JMY: variants seen among roughly 807,000 people sequenced by gnomAD.
JMY encodes the protein junction-mediating and -regulatory protein.
Under a neutral mutation model 103.3 loss-of-function variants are expected in JMY, and 46 were observed. The ratio of observed to expected loss-of-function variants is 0.45; its 90% CI spans 0.35 to 0.57. JMY has a LOEUF of 0.57. Among genes scored for constraint, JMY ranks in the 20% least tolerant of loss-of-function variants. The probability of loss-of-function intolerance (pLI) is 0.00; values close to 1 mark genes in which losing one functional copy is unlikely to be tolerated. For synonymous variants in JMY, 526 were observed against 489.3 expected, an observed-to-expected ratio of 1.07 and a Z score of -0.99; for missense variants, 1,238 against 1,255.2, an observed-to-expected ratio of 0.99 and a Z score of 0.21.
In JMY at chr5:79,291,113, TA is replaced by T. The variant is rs774331803; in HGVS notation, c.1358-11del. 71 of 1,527,024 alleles carry T rather than the reference TA, an allele frequency of 4.6e-5. 1 individual carries two copies. The highest frequency in any genetic ancestry group is 3.5e-4 in the African/African-American group (25 of 71,328). The allele number at this position is 1,527,024 out of a possible 1,614,324, so 94.6% of individuals were successfully genotyped here. On this transcript the variant is annotated splice_polypyrimidine_tract_variant and intron_variant, in intron 3 of 10. Coordinates refer to ENST00000396137, the MANE Select transcript of JMY (RefSeq NM_152405.5). ...GTTGTTATTTGTCTTAATTTCTCTT[TA>T]AAAAATTATTAATAGCTGTGTATGA...
At chr5:79,274,071 T>C (rs756391522) in intron 1 of JMY, among the ~76,000 whole-genome samples, 10 of 152,100 alleles carry the variant, frequency 6.6e-5, no homozygotes, top group Non-Finnish European at 1.3e-4. Context: ...CCTCGTGATC[T>C]GCCCGCCTTG....
chr5:79,314,699 C>T lies in JMY; in HGVS notation c.2507C>T (p.Thr836Ile). ...LPVAKDSGPE[T>I]LEKDLPRKEG... ...GTTGCTAAGGACAGTGGCCCAGAGA[C>T]ACTGGAGAAAGATCTGCCTAGAAAG... The change falls in exon 9 of 11, where the codon ACA becomes ATA. Residue 836 changes from threonine to isoleucine, a missense_variant. Physicochemically the swap from Thr to Ile is moderately conservative, Grantham distance 89. Coordinates refer to ENST00000396137, the MANE Select transcript of JMY (RefSeq NM_152405.5). The T allele has an allele frequency of 6.3e-7, 1 of 1,588,948 alleles. No homozygotes were observed. Among genetic ancestry groups the T allele is most frequent in the Non-Finnish European group, 8.5e-7 (1 of 1,171,380 alleles).
At chr5:79,267,764 A>G (rs907749898) in intron 1 of JMY, among the ~76,000 whole-genome samples, 2 of 152,150 alleles carry the variant, frequency 1.3e-5, no homozygotes, top group Non-Finnish European at 2.9e-5. Flanking sequence ...ATGTACTACA[A>G]TTTGCTTATC....
In JMY at chr5:79,237,316, T is replaced by A. The variant is rs954959941; in HGVS notation, c.666T>A (p.Ser222=). 1.1e-5 allele frequency: 18 copies of A among 1,573,592 alleles called. No individual in the cohort carries two copies. The highest frequency in any genetic ancestry group is 1.6e-5 in the Non-Finnish European group (18 of 1,160,204). ...EQPPPATELE[S]PAEECSWAGL... ...CGCCGCCCGCCACCGAGCTGGAGTC[T>A]CCGGCCGAAGAGTGCAGCTGGGCCG... Residue 222 remains serine, a synonymous_variant, in exon 1 of 11, where the codon TCT becomes TCA. Coordinates refer to ENST00000396137, the MANE Select transcript of JMY (RefSeq NM_152405.5).
Position 79,325,851 on chromosome 5 carries a change from A to C in JMY, c.*4249A>C, listed in dbSNP as rs1747623359. On this transcript the variant is annotated 3_prime_UTR_variant, in exon 11 of 11. Transcript: ENST00000396137. ...TATGTTATGTAAGCAAAGGGTTTGG[A>C]AAGGCGGGAGGGAGTCTAGATTCGG... 6.6e-6 allele frequency: 1 copy of C among 152,116 alleles called. No individual in the cohort carries two copies. The highest frequency in any genetic ancestry group is 2.4e-5 in the African/African-American group (1 of 41,426). 9.4% of individuals were successfully genotyped at this position (152,116 alleles called of 1,614,324 possible).
intron 2 of JMY, among the ~76,000 whole-genome samples, 162 bp downstream of exon 2, chr5:79,278,245 CT>C (rs757418559): frequency 2.6e-5 from 4 of 151,702 alleles, no homozygotes; most frequent in Non-Finnish European, 5.9e-5. Flanking sequence ...GGGTTGTAGC[CT>C]GAGTATCCAT....
chr5:79,315,214 G>A (rs1747179905), intron 9 of JMY, among the ~76,000 whole-genome samples: 1 of 152,152 alleles, frequency 6.6e-6, no homozygotes, highest in Non-Finnish European at 1.5e-5. Flanking sequence ...GTCACCACAG[G>A]GAAGACATTG....
In JMY at chr5:79,300,286, C is replaced by T. The variant is rs762962337; in HGVS notation, c.1661C>T (p.Ala554Val). Residue 554 changes from alanine to valine, a missense_variant, in exon 5 of 11, where the codon GCG becomes GTG. Ala to Val is a moderately conservative substitution (Grantham distance 64). Coordinates refer to ENST00000396137, the MANE Select transcript of JMY (RefSeq NM_152405.5). ...ILKCEELLLT[A>V]QLESIKRLIS... ...AAGTGTGAAGAGTTACTATTGACAGCGCAACTAGAAAGCATCAAAAGACTT... is the reference window on the plus strand; with the variant it reads ...AAGTGTGAAGAGTTACTATTGACAGTGCAACTAGAAAGCATCAAAAGACTT... The T allele has an allele frequency of 1.2e-5, 19 of 1,582,588 alleles. No homozygotes were observed. The highest frequency in any genetic ancestry group is 4.1e-5 in the African/African-American group (3 of 72,996).
intron 4 of JMY, among the ~76,000 whole-genome samples, chr5:79,294,948 T>C (rs1166602523): frequency 6.6e-6 from 1 of 152,202 alleles, no homozygotes; most frequent in Non-Finnish European, 1.5e-5. Flanking sequence ...CCTTGATAAT[T>C]TCTCTGAACA....
At chr5:79,253,108 T>C (rs1304777217) in intron 1 of JMY, among the ~76,000 whole-genome samples, 2 of 152,188 alleles carry the variant, frequency 1.3e-5, no homozygotes, top group Non-Finnish European at 2.9e-5. Context: ...GAGGTTACCA[T>C]GAAGCTTGCA....
chr5:79,278,537 A>G, intron 2 of JMY, among the ~76,000 whole-genome samples: 1 of 128,746 alleles, frequency 7.8e-6, no homozygotes, highest in Admixed American at 9.8e-5. Context: ...GGATCACTTG[A>G]GCTCCGAGCT....
intron 1 of JMY, among the ~76,000 whole-genome samples, chr5:79,256,799 G>A (rs1000419987): frequency 4.0e-5 from 6 of 149,816 alleles, no homozygotes; most frequent in African/African-American, 1.5e-4. Context: ...TGCTTGACAG[G>A]TTCTCCATCG....
chr5:79,238,253 T>C (rs1296347906), intron 1 of JMY, among the ~76,000 whole-genome samples: 3 of 151,936 alleles, frequency 2.0e-5, no homozygotes, highest in Non-Finnish European at 2.9e-5. Flanking sequence ...TTTTGTTTCT[T>C]TTTTTTTGGA....
intron 4 of JMY, among the ~76,000 whole-genome samples, chr5:79,292,762 A>G (rs1164515514): frequency 2.0e-5 from 3 of 151,862 alleles, no homozygotes; most frequent in South Asian, 2.1e-4. Flanking sequence ...AAAAACGAGC[A>G]TGAAATGGGT....
At chr5:79,242,489 T>G (rs926881706) in intron 1 of JMY, among the ~76,000 whole-genome samples, 1 of 152,214 alleles carries the variant, frequency 6.6e-6, no homozygotes, top group Non-Finnish European at 1.5e-5. Flanking sequence ...TAATATTTAT[T>G]ATTCACTATC....
chr5:79,242,138 TCTC>T (rs1308177512), intron 1 of JMY, among the ~76,000 whole-genome samples: 2 of 152,218 alleles, frequency 1.3e-5, no homozygotes, highest in African/African-American at 4.8e-5. Context: ...AATTCTAACT[TCTC>T]TTCTGTTGAA....
At chr5:79,280,493 T>TA (rs936136334) in intron 2 of JMY, among the ~76,000 whole-genome samples, 3 of 152,200 alleles carry the variant, frequency 2.0e-5, no homozygotes, top group African/African-American at 7.2e-5. Flanking sequence ...TTTCTGACAG[T>TA]AAAAATGGTA....
At chr5:79,312,642 A>T in intron 8 of JMY, 144 bp downstream of exon 8, 1 of 422,984 alleles carries the variant, frequency 2.4e-6, no homozygotes. Flanking sequence ...GTCCTTTTTA[A>T]AATTGTTTTA....
Position 79,255,309 on chromosome 5 carries a change from C to G in JMY, c.1032+17627C>G, listed in dbSNP as rs569815649. Among the ~76,000 whole-genome samples the G allele has an allele frequency of 7.2e-5, 11 of 152,200 alleles. 1 individual carries two copies. In the East Asian group the frequency reaches 1.6e-3, roughly 21 times the overall value. On this transcript the variant is annotated intron_variant, in intron 1 of 10. Coordinates refer to ENST00000396137, the MANE Select transcript of JMY (RefSeq NM_152405.5). Reference sequence around the variant, plus strand: ...ATGGGGTTTCGCCATGTTGGCCAGGCTGGTCTGGAACTCCTGACCTCAATT... The same window carrying G: ...ATGGGGTTTCGCCATGTTGGCCAGGGTGGTCTGGAACTCCTGACCTCAATT...
Sources: gnomAD v4.1 joint callset for allele counts (sites outside exome capture counted in the v4.1 genomes callset) on GRCh38, gnomAD v4.1.1 for gene constraint, MANE v1.5 for transcripts, NCBI Gene and HGNC (gene_info 2026-07-23, HGNC 2026-07-21) for gene names.